The following OXTR variants were observed in gnomAD, a reference collection of about 807,000 sequenced individuals.
OXTR encodes the protein oxytocin receptor.
Under a neutral mutation model 23.9 loss-of-function variants are expected in OXTR, and 19 were observed. That is an observed-to-expected ratio of 0.80 (90% confidence interval 0.56 to 1.17). The LOEUF is 1.17. Among genes scored for constraint, OXTR ranks in the 50% most tolerant of loss-of-function variants. The pLI is 0.00. For missense variants in OXTR, 500 were observed against 550.7 expected (o/e 0.91, Z 0.92); for synonymous variants, 278 against 250.5 (o/e 1.11, Z -1.04).
At chr3:8,763,207 T>C (rs980794204) in intron 3 of OXTR, among the ~76,000 whole-genome samples, 2 of 152,036 alleles carry the variant, frequency 1.3e-5, no homozygotes, top group Admixed American at 1.3e-4. Context: ...TCCACTCCCA[T>C]TCCCTCCACC....
chr3:8,745,575 AC>A (rs780411707), downstream of OXTR: 1 of 1,614,002 alleles, frequency 6.2e-7, no homozygotes, highest in African/African-American at 1.3e-5. This position sits in a 1 kb window ranked among gnomAD's most constrained non-coding sequence, Gnocchi z 4.8. Flanking sequence ...TACAGCTTTG[AC>A]GGCGTGTGGA....
In OXTR at chr3:8,752,887, A is replaced by T. The variant is rs1192931371; in HGVS notation, c.*90T>A. 3 of 1,368,032 alleles carry T rather than the reference A, an allele frequency of 2.2e-6. No individual in the cohort carries two copies. The African/African-American group carries it at 4.3e-5, about 20-fold the overall frequency. 84.7% of individuals were successfully genotyped at this position (1,368,032 alleles called of 1,614,324 possible). On this transcript the variant is annotated 3_prime_UTR_variant, in exon 4 of 4. Transcript: ENST00000316793. The stretch of plus-strand genomic sequence containing the variant: ...AGGGATACAAACTGATAGGTACCTT[A>T]TACACAAACATACGCCATCACCTAG...
chr3:8,768,061 C>A lies in OXTR; in HGVS notation c.127G>T (p.Val43Leu). 3 of 1,552,124 alleles carry A rather than the reference C, an allele frequency of 1.9e-6. No individual in the cohort carries two copies. The highest frequency in any genetic ancestry group is 2.6e-6 in the Non-Finnish European group (3 of 1,151,722). The change falls in exon 3 of 4, where the codon GTG (valine) becomes TTG (leucine). Residue 43 changes from valine to leucine, a missense_variant. Transcript: ENST00000316793. This position sits in a 1 kb window ranked among gnomAD's most constrained non-coding sequence, Gnocchi z 5.4. ...RRNEALARVE[V>L]AVLCLILLLA... ...AGCAGGATGAGACACAGCACCGCCA[C>A]CTCCACGCGCGCCAGGGCCTCGTTG...
chr3:8,757,779 G>A (rs984173322), intron 3 of OXTR, among the ~76,000 whole-genome samples: 7 of 152,126 alleles, frequency 4.6e-5, no homozygotes, highest in African/African-American at 1.4e-4. Flanking sequence ...CGCGGGGGCC[G>A]CTGGCCTCAC....
chr3:8,765,286 G>A (rs1337802962), intron 3 of OXTR, among the ~76,000 whole-genome samples: 2 of 152,214 alleles, frequency 1.3e-5, no homozygotes, highest in African/African-American at 4.8e-5. Flanking sequence ...CAAGTGAGGG[G>A]GCTGAAAAGC....
rs749936000 is a variant in OXTR, at chr3:8,751,280, A to G, written c.*1697T>C. 6 of 152,186 alleles carry G rather than the reference A, an allele frequency of 3.9e-5. No homozygotes were observed. The highest frequency in any genetic ancestry group is 7.3e-5 in the Non-Finnish European group (5 of 68,040). 9.4% of individuals were successfully genotyped at this position (152,186 alleles called of 1,614,324 possible). A position where few individuals can be genotyped will look rare whatever the true frequency, so the allele number is the denominator to read the frequency against. ...AGAGTTATTTATATATTCCAGATAC[A>G]AGCCCCTTATCATATATATGACTCG... On this transcript the variant is annotated 3_prime_UTR_variant, in exon 4 of 4. Transcript: ENST00000316793.
chr3:8,768,905 C>A lies in OXTR; in HGVS notation c.-238-314G>T, dbSNP rs774488868. Among the ~76,000 whole-genome samples, 8 of 152,194 alleles carry A rather than the reference C, an allele frequency of 5.3e-5. No homozygotes were observed. Among genetic ancestry groups the A allele is most frequent in the Non-Finnish European group, 1.2e-4 (8 of 68,040 alleles). ...CCACAGCACCTGCTTCGGTGGAAAC[C>A]CGGTTCTGCAGTCCCTGCTGGGGGA... is the stretch of plus-strand genomic sequence containing the variant. On this transcript the variant is annotated intron_variant, in intron 1 of 3. Transcript: ENST00000316793. This position sits in a 1 kb window ranked among gnomAD's most constrained non-coding sequence, Gnocchi z 5.4.
At chr3:8,763,941 A>T (rs1487769643) in intron 3 of OXTR, among the ~76,000 whole-genome samples, 1 of 151,988 alleles carries the variant, frequency 6.6e-6, no homozygotes, top group Non-Finnish European at 1.5e-5. Context: ...TGCCTGCTTT[A>T]TCCCAGTTTC....
chr3:8,748,028 T>C (rs1459639884), downstream of OXTR, among the ~76,000 whole-genome samples: 1 of 152,100 alleles, frequency 6.6e-6, no homozygotes, highest in Non-Finnish European at 1.5e-5. Context: ...CCTTGAGAAG[T>C]AGCAGGCAGA....
chr3:8,741,817 C>T, the OXTR span, among the ~76,000 whole-genome samples: 10 of 152,270 alleles, frequency 6.6e-5, no homozygotes, highest in African/African-American at 2.2e-4. Context: ...CCCTGCTATC[C>T]TACACCTTCC....
rs1224562853 is a variant in OXTR, at chr3:8,767,472, G to A, written c.716C>T (p.Ala239Val). The A allele has an allele frequency of 6.2e-7, 1 of 1,601,908 alleles. No homozygotes were observed. The highest frequency in any genetic ancestry group is 1.7e-5 in the Admixed American group (1 of 58,040). ...CGCGCCCTCTGGCGCCTCGGCCGCC[G>A]CCGCTGCAGCGGTCTTGAGCCGCAA... ...QNLRLKTAAAAAAEAPEGAAA... is the reference protein window; with the variant it reads ...QNLRLKTAAAVAAEAPEGAAA... The change falls in exon 3 of 4, where the codon GCG (alanine) becomes GTG (valine). Residue 239 changes from alanine (A) to valine (V), a missense_variant. Physicochemically the swap from Ala to Val is moderately conservative, Grantham distance 64 (BLOSUM62 0). Transcript: ENST00000316793.
At chr3:8,756,631 G>A (rs1040551075) in intron 3 of OXTR, among the ~76,000 whole-genome samples, 2 of 152,146 alleles carry the variant, frequency 1.3e-5, no homozygotes, top group Non-Finnish European at 2.9e-5. Context: ...CATTTTTGAC[G>A]CTGTGGATGC....
intron 3 of OXTR, among the ~76,000 whole-genome samples, chr3:8,758,230 CCT>C (rs1040720732): frequency 2.6e-5 from 4 of 152,188 alleles, no homozygotes; most frequent in Admixed American, 2.0e-4. Flanking sequence ...CAAGAACTCC[CCT>C]GTTAGGATTT....
chr3:8,769,039 C>G (rs2125009310), intron 1 of OXTR, among the ~76,000 whole-genome samples, 192 bp downstream of exon 1: 1 of 152,230 alleles, frequency 6.6e-6, no homozygotes, highest in East Asian at 1.9e-4. Flanking sequence ...TCTGGAACCC[C>G]TGACTTGCGC....
chr3:8,743,012 C>T, the OXTR span, among the ~76,000 whole-genome samples: 1 of 152,142 alleles, frequency 6.6e-6, no homozygotes, highest in Non-Finnish European at 1.5e-5. Context: ...AAAGGGGGAG[C>T]TGGCATATCA....
At chr3:8,757,461 C>G (rs997179658) in intron 3 of OXTR, among the ~76,000 whole-genome samples, 12 of 151,456 alleles carry the variant, frequency 7.9e-5, no homozygotes, top group African/African-American at 2.9e-4. Context: ...CAAAAAAAAT[C>G]AAACCCCAGA....
In OXTR at chr3:8,769,300, C is replaced by T. The variant is rs1366549997; in HGVS notation, c.-308G>A. ...GAAGTTGCACGGCGACTGACGGCCC[C>T]AGTGACGCGTGCGCTCCCGGCCCGA... On this transcript the variant is annotated 5_prime_UTR_variant, in exon 1 of 4. Transcript: ENST00000316793. The T allele has an allele frequency of 6.6e-6, 1 of 152,424 alleles. No individual in the cohort carries two copies. The highest frequency in any genetic ancestry group is 1.9e-4 in the East Asian group (1 of 5,196). The allele number at this position is 152,424 out of a possible 1,614,324, so 9.4% of individuals were successfully genotyped here. A position where few individuals can be genotyped will look rare whatever the true frequency, so the allele number is the denominator to read the frequency against.
At chr3:8,764,371 C>A (rs1237700898) in intron 3 of OXTR, among the ~76,000 whole-genome samples, 8 of 152,332 alleles carry the variant, frequency 5.3e-5, no homozygotes, top group Middle Eastern at 6.8e-3. Flanking sequence ...AGTACTGGCT[C>A]CTCAGGTGAT....
chr3:8,753,939 A>T (rs1708322793), intron 3 of OXTR, among the ~76,000 whole-genome samples: 1 of 152,168 alleles, frequency 6.6e-6, no homozygotes, highest in Non-Finnish European at 1.5e-5. Context: ...ATTCCCAAAG[A>T]TGCCTATGGT....
Sources: gnomAD v4.1 joint callset for allele counts (sites outside exome capture counted in the v4.1 genomes callset) on GRCh38, gnomAD v4.1.1 for gene constraint, Gnocchi (gnomAD v3.1) non-coding constraint, MANE v1.5 for transcripts, NCBI Gene and HGNC (gene_info 2026-07-23, HGNC 2026-07-21) for gene names.